Variants in GMDS observed in about 807,000 individuals in gnomAD.
The protein encoded by GMDS is GDP-mannose 4,6-dehydratase.
In GMDS, 20 loss-of-function variants were observed where a neutral mutation model predicts 49.9. That is an observed-to-expected ratio of 0.40 (90% CI 0.28 to 0.58). The LOEUF (loss-of-function observed/expected upper bound fraction) is 0.58. Ranked by LOEUF, GMDS falls within the 20% of genes least tolerant of loss-of-function variation. The pLI, the probability that GMDS is intolerant of heterozygous loss-of-function variation, is 0.42. For missense variants in GMDS, 362 were observed against 481.4 expected (o/e 0.75, Z 2.32); for synonymous variants, 177 against 178.6 (o/e 0.99, Z 0.07).
intron 7 of GMDS, among the ~76,000 whole-genome samples, chr6:1,914,131 GTT>G (rs563808537): frequency 5.1e-5 from 4 of 77,858 alleles, no homozygotes; most frequent in Non-Finnish European, 5.2e-5. Context: ...TTTTTTGTTT[GTT>G]TTTTTTTTTT....
intron 7 of GMDS, among the ~76,000 whole-genome samples, chr6:1,750,659 C>T (rs1767682258): frequency 1.3e-5 from 2 of 152,072 alleles, no homozygotes; most frequent in Non-Finnish European, 2.9e-5. Flanking sequence ...TGGGCAGACA[C>T]CGAGCTAGCT....
At chr6:2,006,455 A>C (rs1458143826) in intron 4 of GMDS, among the ~76,000 whole-genome samples, 1 of 152,074 alleles carries the variant, frequency 6.6e-6, no homozygotes, top group Non-Finnish European at 1.5e-5. Flanking sequence ...AGATAAGACA[A>C]GTATAGACAT....
rs116444342 is a variant in GMDS, at chr6:1,803,809, T to C, written c.772-61223A>G. ...AATATTTGGTTACACTGAGGGGAAA[T>C]GAGGTGGGAGAGAGTGGAGGAGAGG... is the stretch of plus-strand genomic sequence containing the variant. On this transcript the variant is annotated intron_variant, in intron 7 of 10. Transcript: ENST00000380815. Among the ~76,000 whole-genome samples, 637 of 152,088 alleles carry C rather than the reference T, an allele frequency of 4.2e-3. 2 individuals are homozygous for C. Among genetic ancestry groups the C allele is most frequent in the African/African-American group, 0.015 (610 of 41,486 alleles).
At chr6:2,028,994 TC>T (rs1561988322) in intron 4 of GMDS, among the ~76,000 whole-genome samples, 10 of 150,314 alleles carry the variant, frequency 6.7e-5, no homozygotes, top group Non-Finnish European at 8.9e-5. Context: ...TTTTTTTCTT[TC>T]TTTCTTTTTT....
At chr6:1,671,158 G>GTCAA (rs1469252775) in intron 9 of GMDS, among the ~76,000 whole-genome samples, 1 of 152,186 alleles carries the variant, frequency 6.6e-6, no homozygotes, top group Non-Finnish European at 1.5e-5. Context: ...TGCTCCAAGT[G>GTCAA]TCAATCAGCG....
At chr6:1,934,879 G>A (rs114993176) in intron 6 of GMDS, among the ~76,000 whole-genome samples, 370 of 152,202 alleles carry the variant, frequency 2.4e-3, no homozygotes, top group African/African-American at 8.6e-3. Flanking sequence ...AAAGAGAAAC[G>A]CACAGAGGCT....
intron 4 of GMDS, among the ~76,000 whole-genome samples, chr6:2,006,280 T>C (rs1047140554): frequency 7.3e-6 from 1 of 137,250 alleles, no homozygotes; most frequent in African/African-American, 2.7e-5. Context: ...AAAAAAAAAA[T>C]AGCCAAGAGT....
At chr6:1,624,695 G>C (rs548389405) in intron 9 of GMDS, 155 bp from the exon 10 acceptor site, 5 of 619,648 alleles carry the variant, frequency 8.1e-6, no homozygotes, top group Non-Finnish European at 1.5e-5. Context: ...GTTCAGTTGC[G>C]GCTCTCGGCG....
intron 1 of GMDS, among the ~76,000 whole-genome samples, chr6:2,134,579 G>T (rs1775901866): frequency 6.6e-6 from 1 of 152,166 alleles, no homozygotes; most frequent in African/African-American, 2.4e-5. Flanking sequence ...CTGAAAAGCA[G>T]GTAGGTGTCT....
At chr6:1,821,612 T>G (rs1393842526) in intron 7 of GMDS, among the ~76,000 whole-genome samples, 1 of 1,598 alleles carries the variant, frequency 6.3e-4, no homozygotes, top group Non-Finnish European at 1.8e-3. Flanking sequence ...AATTTATTTG[T>G]TTTTTTTTTT....
chr6:2,245,316 C>A lies in GMDS; in HGVS notation c.102+5G>T, dbSNP rs1383744844. ...CGGCCGGCGCGCCCCCGCCCCCGCA[C>A]TCACCTGGCCTGTGATACCGGTGAT... On this transcript the variant is annotated splice_donor_5th_base_variant and intron_variant, in intron 1 of 10. Coordinates refer to ENST00000380815, the MANE Select transcript of GMDS (RefSeq NM_001500.4). 6.5e-7 allele frequency: 1 copy of A among 1,533,524 alleles called. No homozygotes were observed. The highest frequency in any genetic ancestry group is 8.8e-7 in the Non-Finnish European group (1 of 1,141,200). 95.0% of individuals were successfully genotyped at this position (1,533,524 alleles called of 1,614,324 possible).
chr6:1,683,592 C>T (rs1764870387), intron 9 of GMDS, among the ~76,000 whole-genome samples: 1 of 152,190 alleles, frequency 6.6e-6, no homozygotes, highest in South Asian at 2.1e-4. Context: ...TGACCACTGC[C>T]CTCATGGCTT....
At chr6:2,023,231 T>C (rs1032762404) in intron 4 of GMDS, among the ~76,000 whole-genome samples, 18 of 152,244 alleles carry the variant, frequency 1.2e-4, no homozygotes, top group Non-Finnish European at 2.2e-4. Flanking sequence ...ACTGTCAAAT[T>C]AAACTTATTT....
At chr6:1,884,207 C>T (rs1192988808) in intron 7 of GMDS, among the ~76,000 whole-genome samples, 1 of 152,196 alleles carries the variant, frequency 6.6e-6, no homozygotes, top group Non-Finnish European at 1.5e-5. Context: ...ATCAATACAA[C>T]CATTCATTAA....
intron 9 of GMDS, among the ~76,000 whole-genome samples, chr6:1,704,507 G>T (rs951623994): frequency 2.0e-5 from 3 of 152,192 alleles, no homozygotes; most frequent in Non-Finnish European, 4.4e-5. Context: ...AAATCAGCAA[G>T]ACCAACTAGA....
At chr6:1,886,578 G>A (rs563076138) in intron 7 of GMDS, among the ~76,000 whole-genome samples, 10 of 152,262 alleles carry the variant, frequency 6.6e-5, no homozygotes, top group East Asian at 5.8e-4. Flanking sequence ...GAGCAGTTTT[G>A]TAAGGAACAA....
At chr6:1,896,279 G>A (rs1403632280) in intron 7 of GMDS, among the ~76,000 whole-genome samples, 6 of 152,174 alleles carry the variant, frequency 3.9e-5, no homozygotes, top group Non-Finnish European at 2.9e-5. Flanking sequence ...CATTGGAAAC[G>A]TTCCCTGGGG....
chr6:2,142,723 C>T (rs1776364192), intron 1 of GMDS, among the ~76,000 whole-genome samples: 1 of 152,104 alleles, frequency 6.6e-6, no homozygotes, highest in South Asian at 2.1e-4. Flanking sequence ...AACACAAGAC[C>T]AAAAGAATCA....
At position 2,156,156 on chromosome 6, in the gene GMDS, G is replaced by A. The variant is rs149495085; in HGVS notation, c.103-31425C>T. 3.1e-3 allele frequency among the ~76,000 whole-genome samples: 471 copies of A among 151,790 alleles called. 1 individual carries two copies. Among genetic ancestry groups the A allele is most frequent in the Non-Finnish European group, 4.5e-3 (306 of 67,934 alleles). Reference sequence around the variant, plus strand: ...TTCAATTGATACCACTTTCTGATTCGGGGCTTAGAAAATTATAAATATATT... The same window carrying A: ...TTCAATTGATACCACTTTCTGATTCAGGGCTTAGAAAATTATAAATATATT... On this transcript the variant is annotated intron_variant, in intron 1 of 10. Transcript: ENST00000380815.
Sources: allele counts gnomAD v4.1 joint callset (sites outside exome capture counted in the v4.1 genomes callset), GRCh38; gene constraint gnomAD v4.1.1; transcripts MANE v1.5; gene names NCBI Gene and HGNC (gene_info 2026-07-23, HGNC 2026-07-21).